The following DLGAP2 variants were observed in gnomAD, a reference collection of about 807,000 sequenced individuals.
DLGAP2 encodes the protein disks large-associated protein 2.
Under a neutral mutation model 100.3 loss-of-function variants are expected in DLGAP2, and 26 were observed. That is an observed-to-expected ratio of 0.26 (90% CI 0.19 to 0.36). The LOEUF (loss-of-function observed/expected upper bound fraction) is 0.36, where lower values mean the gene tolerates loss of function less well. Ranked by LOEUF, DLGAP2 falls within the 10% of genes least tolerant of loss-of-function variation. The pLI is 1.00. For synonymous variants in DLGAP2, 886 were observed against 630.1 expected, an observed-to-expected ratio of 1.41 and a Z score of -6.08; for missense variants, 1,858 against 1,453.2, an observed-to-expected ratio of 1.28 and a Z score of -4.53.
chr8:1,374,785 C>T (rs931186091), intron 3 of DLGAP2, among the ~76,000 whole-genome samples: 3 of 152,138 alleles, frequency 2.0e-5, no homozygotes, highest in Non-Finnish European at 2.9e-5. Context: ...AGGCACCTAA[C>T]GTCAAGGCTT....
At chr8:1,563,587 G>A (rs1327152537) in intron 5 of DLGAP2, among the ~76,000 whole-genome samples, 3 of 152,056 alleles carry the variant, frequency 2.0e-5, no homozygotes, top group Non-Finnish European at 2.9e-5. Flanking sequence ...GTGGTGTTGA[G>A]GACTCCTTGC....
intron 2 of DLGAP2, among the ~76,000 whole-genome samples, chr8:1,124,803 TC>T (rs1221800776): frequency 6.6e-6 from 1 of 152,142 alleles, no homozygotes; most frequent in Non-Finnish European, 1.5e-5. Context: ...TCAAATCATC[TC>T]GTTTTAGTGG....
intron 3 of DLGAP2, among the ~76,000 whole-genome samples, chr8:1,272,504 G>C (rs1166212955): frequency 6.6e-6 from 1 of 151,788 alleles, no homozygotes; most frequent in Middle Eastern, 3.2e-3. Flanking sequence ...GTTTTATATA[G>C]AATATATATT....
intron 2 of DLGAP2, among the ~76,000 whole-genome samples, chr8:911,201 T>C (rs1340681799): frequency 6.6e-6 from 1 of 152,186 alleles, no homozygotes; most frequent in East Asian, 1.9e-4. Context: ...GAACTTTGGC[T>C]CCATGGTGAA....
intron 1 of DLGAP2, among the ~76,000 whole-genome samples, chr8:811,631 C>T (rs918521601): frequency 6.7e-6 from 1 of 148,712 alleles, no homozygotes; most frequent in African/African-American, 2.5e-5. Context: ...TCCCATCAAC[C>T]TTGGAATGAG....
intron 2 of DLGAP2, among the ~76,000 whole-genome samples, chr8:925,171 C>T (rs1163573332): frequency 1.3e-5 from 2 of 152,112 alleles, no homozygotes; most frequent in African/African-American, 4.8e-5. Flanking sequence ...CTTATTTTGT[C>T]ACTCAAGCTG....
At chr8:1,682,194 C>A (rs1203728466) in intron 12 of DLGAP2, among the ~76,000 whole-genome samples, 2 of 152,180 alleles carry the variant, frequency 1.3e-5, no homozygotes, top group Non-Finnish European at 2.9e-5. Context: ...TCCACAGAGT[C>A]CCTCAGCTGC....
At position 1,548,688 on chromosome 8, in the gene DLGAP2, A is replaced by G. The variant is rs768156821; in HGVS notation, c.235A>G (p.Arg79Gly). ...TGAGGAGCGCTACTCGCCCGCGCCC[A>G]GGAGCATGAAGGGCCTTTCCGGAAG... ...FNEERYSPAP[R>G]SMKGLSGSRT... Residue 79 changes from arginine to glycine, a missense_variant, in exon 5 of 15, where the codon AGG becomes GGG. Arg to Gly is a moderately radical substitution (Grantham distance 125). Transcript: ENST00000637795. 6.2e-7 allele frequency: 1 copy of G among 1,605,342 alleles called. No homozygotes were observed. The highest frequency in any genetic ancestry group is 8.5e-7 in the Non-Finnish European group (1 of 1,177,144).
chr8:881,666 A>ATATATATATATATATATATATATATATAT lies in DLGAP2; in HGVS notation c.19-26246_19-26245insTATATATATATATATATATATATATATAT. On this transcript the variant is annotated intron_variant, in intron 1 of 14. Transcript: ENST00000637795. ...AGGCGCACGCCACCACTTGTGGCTG[A>ATATATATATATATATATATATATATATAT]ACACACACACACACACTTTTTTTTT... 5.6e-4 allele frequency among the ~76,000 whole-genome samples: 74 copies of ATATATATATATATATATATATATATATAT among 131,032 alleles called. 2 individuals carry two copies. Among genetic ancestry groups the ATATATATATATATATATATATATATATAT allele is most frequent in the African/African-American group, 1.9e-3 (70 of 36,726 alleles). The allele number at this position is 131,032 out of a possible 152,430, so 86.0% of individuals were successfully genotyped here. A position where few individuals can be genotyped will look rare whatever the true frequency, so the allele number is the denominator to read the frequency against.
At chr8:759,304 C>A (rs1000800630) in intron 1 of DLGAP2, among the ~76,000 whole-genome samples, 4 of 139,860 alleles carry the variant, frequency 2.9e-5, no homozygotes, top group Non-Finnish European at 6.1e-5. Flanking sequence ...CCCACAGCCT[C>A]CCCATTATCA....
chr8:1,127,092 T>C, intron 2 of DLGAP2, among the ~76,000 whole-genome samples: 1 of 128,404 alleles, frequency 7.8e-6, no homozygotes, highest in African/African-American at 3.1e-5. Flanking sequence ...CCCCACCCTG[T>C]CCCAGCACAG....
rs1486129204 is a variant in DLGAP2, at chr8:1,569,580, C to T, written c.1442+3686C>T. Reference sequence around the variant, plus strand: ...CATCTTAGTTTATCTTATATTCCTTCACGTTTTATGGATTCCAACGTAATT... The same window carrying T: ...CATCTTAGTTTATCTTATATTCCTTTACGTTTTATGGATTCCAACGTAATT... On this transcript the variant is annotated intron_variant, in intron 6 of 14. Coordinates refer to ENST00000637795, the MANE Select transcript of DLGAP2 (RefSeq NM_001346810.2). Among the ~76,000 whole-genome samples, 5 of 152,240 alleles carry T rather than the reference C, an allele frequency of 3.3e-5. No homozygotes were observed. The East Asian group carries it at 9.6e-4, about 29-fold the overall frequency.
intron 8 of DLGAP2, among the ~76,000 whole-genome samples, chr8:1,666,760 G>A (rs755625117): frequency 6.6e-6 from 1 of 152,140 alleles, no homozygotes; most frequent in African/African-American, 2.4e-5. Context: ...TGAATGGCAG[G>A]CTTGTTTTGT....
At chr8:1,439,821 C>T (rs941173321) in intron 3 of DLGAP2, among the ~76,000 whole-genome samples, 22 of 152,236 alleles carry the variant, frequency 1.4e-4, no homozygotes, top group Middle Eastern at 3.4e-3. Flanking sequence ...CATTTGAGGG[C>T]AGAGATGTTG....
intron 4 of DLGAP2, among the ~76,000 whole-genome samples, chr8:1,546,687 C>G (rs1351761561): frequency 6.6e-6 from 1 of 152,188 alleles, no homozygotes; most frequent in Non-Finnish European, 1.5e-5. Context: ...TCCCTGGCAT[C>G]CATGTTGCTC....
chr8:917,667 A>C (rs941327501), intron 2 of DLGAP2, among the ~76,000 whole-genome samples: 1 of 151,866 alleles, frequency 6.6e-6, no homozygotes, highest in Admixed American at 6.6e-5. Flanking sequence ...TGCAAACTCC[A>C]CCTCCCAGGT....
At chr8:1,500,770 G>A (rs192763212) in intron 3 of DLGAP2, among the ~76,000 whole-genome samples, 4 of 152,364 alleles carry the variant, frequency 2.6e-5, no homozygotes, top group Non-Finnish European at 4.4e-5. Context: ...AGCACAGATC[G>A]AACAATGGAA....
At chr8:1,231,666 C>G (rs753649385) in intron 2 of DLGAP2, among the ~76,000 whole-genome samples, 1 of 152,164 alleles carries the variant, frequency 6.6e-6, no homozygotes, top group African/African-American at 2.4e-5. Context: ...AGAATGAAAT[C>G]GTGTTCTTTG....
intron 5 of DLGAP2, among the ~76,000 whole-genome samples, chr8:1,559,478 T>A (rs185431550): frequency 5.9e-5 from 9 of 152,346 alleles, no homozygotes; most frequent in Admixed American, 4.6e-4. Context: ...CTTGAATTCA[T>A]GCTTTGAAAT....
Sources: gnomAD v4.1 joint callset for allele counts (sites outside exome capture counted in the v4.1 genomes callset) on GRCh38, gnomAD v4.1.1 for gene constraint, MANE v1.5 for transcripts, NCBI Gene and HGNC (gene_info 2026-07-23, HGNC 2026-07-21) for gene names.